Variants in TRHDE observed in about 807,000 individuals in gnomAD.
TRHDE encodes thyrotropin-releasing hormone-degrading ectoenzyme.
TRHDE carries 72 observed loss-of-function variants against 125.7 expected under a neutral mutation model. The observed-to-expected ratio is 0.57, with a 90% confidence interval of 0.47 to 0.70. The LOEUF (loss-of-function observed/expected upper bound fraction) is 0.70, where lower values mean the gene tolerates loss of function less well. TRHDE is among the 30% of genes least tolerant of loss of function. The pLI is 0.00. For synonymous variants in TRHDE, 509 were observed against 509.1 expected (o/e 1.00, Z 0.00); for missense variants, 1,110 against 1,327.1 (o/e 0.84, Z 2.54).
At chr12:72,512,417 T>C (rs1362403844) in intron 6 of TRHDE, among the ~76,000 whole-genome samples, 2 of 115,004 alleles carry the variant, frequency 1.7e-5, no homozygotes, top group Non-Finnish European at 3.2e-5. Context: ...ATTATAACTA[T>C]ATAATATATA....
chr12:72,093,466 A>G (rs1333272977), intron 1 of TRHDE, among the ~76,000 whole-genome samples: 1 of 152,082 alleles, frequency 6.6e-6, no homozygotes, highest in East Asian at 1.9e-4. Flanking sequence ...ATATATTTGT[A>G]TGCTTGATGA....
Position 72,542,369 on chromosome 12 carries a change from C to T in TRHDE, c.1788+13C>T. ...GAGGGGTTTGCAAGTAAGTAAAATGCTTTTTATTTTCTTTTACATTTTTCC... is the reference window on the plus strand; with the variant it reads ...GAGGGGTTTGCAAGTAAGTAAAATGTTTTTTATTTTCTTTTACATTTTTCC... On this transcript the variant is annotated intron_variant, in intron 7 of 18. Coordinates refer to ENST00000261180, the MANE Select transcript of TRHDE (RefSeq NM_013381.3). 1.3e-6 allele frequency: 2 copies of T among 1,593,606 alleles called. No homozygotes were observed. Among genetic ancestry groups the T allele is most frequent in the Non-Finnish European group, 1.7e-6 (2 of 1,167,722 alleles).
At chr12:72,574,788 A>G (rs1870912527) in intron 10 of TRHDE, among the ~76,000 whole-genome samples, 1 of 152,108 alleles carries the variant, frequency 6.6e-6, no homozygotes, top group Non-Finnish European at 1.5e-5. Context: ...TTCTCTCAAG[A>G]AAGCACAAGA....
intron 6 of TRHDE, among the ~76,000 whole-genome samples, chr12:72,517,609 TA>T (rs1878945121): frequency 6.6e-6 from 1 of 152,154 alleles, no homozygotes; most frequent in Non-Finnish European, 1.5e-5. Context: ...CTGGATTCAT[TA>T]ATTTTTTGAA....
chr12:72,418,270 T>C (rs886349320), intron 3 of TRHDE, among the ~76,000 whole-genome samples: 1 of 152,076 alleles, frequency 6.6e-6, no homozygotes, highest in African/African-American at 2.4e-5. Context: ...AAGGTAAATA[T>C]TAATTAAGGA....
Position 72,628,370 on chromosome 12 carries a change from G to A in TRHDE, c.2675+6619G>A, listed in dbSNP as rs192160180. ...ATTCTTTAGACTAAGAAGGAAAGGA[G>A]GTGTTAAGTGGAAACAACAGTGTGT... On this transcript the variant is annotated intron_variant, in intron 15 of 18. Coordinates refer to ENST00000261180, the MANE Select transcript of TRHDE (RefSeq NM_013381.3). Among the ~76,000 whole-genome samples the A allele has an allele frequency of 3.5e-4, 50 of 144,104 alleles. 1 individual carries two copies. Among genetic ancestry groups the A allele is most frequent in the Admixed American group, 3.3e-3 (48 of 14,396 alleles). 94.5% of individuals were successfully genotyped at this position (144,104 alleles called of 152,430 possible).
intron 2 of TRHDE, among the ~76,000 whole-genome samples, chr12:72,339,109 G>A (rs543993182): frequency 1.3e-5 from 2 of 151,992 alleles, no homozygotes; most frequent in African/African-American, 2.4e-5. Flanking sequence ...TTTCCAGCAC[G>A]GTGGAGCAAT....
At chr12:72,308,464 A>G (rs867199467) in intron 2 of TRHDE, among the ~76,000 whole-genome samples, 1 of 152,090 alleles carries the variant, frequency 6.6e-6, no homozygotes, top group Non-Finnish European at 1.5e-5. Flanking sequence ...ACCACTTTAA[A>G]TAAGTAATCT....
chr12:72,413,593 C>A (rs932445508), intron 3 of TRHDE, among the ~76,000 whole-genome samples: 3 of 151,688 alleles, frequency 2.0e-5, no homozygotes, highest in Non-Finnish European at 4.4e-5. Flanking sequence ...AATTTTATTT[C>A]TGAAAGATAA....
At chr12:72,248,417 CAA>C (rs34434650) in intron 2 of TRHDE, among the ~76,000 whole-genome samples, 14 of 55,780 alleles carry the variant, frequency 2.5e-4, no homozygotes, top group African/African-American at 1.0e-3. Context: ...GACTCTGTCT[CAA>C]AAAAAAAAAA....
At chr12:72,409,115 T>C (rs1873388602) in intron 3 of TRHDE, among the ~76,000 whole-genome samples, 1 of 152,148 alleles carries the variant, frequency 6.6e-6, no homozygotes, top group Admixed American at 6.5e-5. Context: ...GTGCACCACA[T>C]ACAAGTTAAA....
intron 7 of TRHDE, among the ~76,000 whole-genome samples, chr12:72,547,238 C>A (rs771901233): frequency 6.6e-6 from 1 of 151,088 alleles, no homozygotes; most frequent in African/African-American, 2.4e-5. Flanking sequence ...CCATATGATA[C>A]TTCTCTAGCT....
At chr12:72,371,735 G>GT in intron 2 of TRHDE, among the ~76,000 whole-genome samples, 1 of 151,856 alleles carries the variant, frequency 6.6e-6, no homozygotes, top group Non-Finnish European at 1.5e-5. Flanking sequence ...CCTTTTTTAT[G>GT]GCCGCATAGT....
intron 3 of TRHDE, among the ~76,000 whole-genome samples, chr12:72,381,419 G>A (rs541986931): frequency 2.7e-5 from 4 of 145,922 alleles, no homozygotes; most frequent in Admixed American, 6.8e-5. Flanking sequence ...TTTTTGAGAC[G>A]GAGTCTCGCT....
At chr12:72,372,634 T>G (rs1871660522) in intron 2 of TRHDE, among the ~76,000 whole-genome samples, 1 of 152,208 alleles carries the variant, frequency 6.6e-6, no homozygotes, top group Admixed American at 6.5e-5. Flanking sequence ...CAGCACCATT[T>G]ATTAAATAGG....
chr12:72,385,435 T>A (rs542238214), intron 3 of TRHDE, among the ~76,000 whole-genome samples: 1 of 152,136 alleles, frequency 6.6e-6, no homozygotes, highest in Non-Finnish European at 1.5e-5. Flanking sequence ...ATCTTTAAAA[T>A]CAAATAAATG....
chr12:72,537,617 C>T (rs1178371348), intron 6 of TRHDE, among the ~76,000 whole-genome samples: 2 of 152,048 alleles, frequency 1.3e-5, no homozygotes, highest in African/African-American at 2.4e-5. Context: ...TGAGAACGGA[C>T]TAGTACAACT....
intron 3 of TRHDE, among the ~76,000 whole-genome samples, chr12:72,435,259 T>G (rs1874687133): frequency 6.6e-6 from 1 of 152,226 alleles, no homozygotes; most frequent in Admixed American, 6.5e-5. Flanking sequence ...CCAGATGAAT[T>G]AGTATCTAGT....
chr12:72,344,051 T>C (rs896696619), intron 2 of TRHDE, among the ~76,000 whole-genome samples: 1 of 152,052 alleles, frequency 6.6e-6, no homozygotes, highest in Non-Finnish European at 1.5e-5. Flanking sequence ...TTCATGAACA[T>C]ACAGCCAGAT....
Sources: allele counts gnomAD v4.1 joint callset (sites outside exome capture counted in the v4.1 genomes callset), GRCh38; gene constraint gnomAD v4.1.1; transcripts MANE v1.5; gene names NCBI Gene and HGNC (gene_info 2026-07-23, HGNC 2026-07-21).